RNF40: variants seen among roughly 807,000 people sequenced by gnomAD.
RNF40 encodes the protein E3 ubiquitin-protein ligase BRE1B.
RNF40 carries 39 observed loss-of-function variants against 123.3 expected under a neutral mutation model. The observed-to-expected ratio is 0.32, with a 90% CI of 0.24 to 0.41. The LOEUF is 0.41. Among genes scored for constraint, RNF40 ranks in the 10% least tolerant of loss-of-function variants. The pLI is 1.00. For synonymous variants in RNF40, 538 were observed against 526.0 expected (o/e 1.02, Z -0.31); for missense variants, 1,003 against 1,319.9 (o/e 0.76, Z 3.72).
At position 30,762,337 on chromosome 16, in the gene RNF40, G is replaced by A. The variant is rs2053863330; in HGVS notation, c.-95G>A. On this transcript the variant is annotated 5_prime_UTR_variant, in exon 1 of 20. Coordinates refer to ENST00000324685, the MANE Select transcript of RNF40 (RefSeq NM_014771.4). ...GACGTCCGGTGAAATCCAAGATGGCGGCGCTAGGCTGACCCTCCTGCTGGT... is the reference window on the plus strand; with the variant it reads ...GACGTCCGGTGAAATCCAAGATGGCAGCGCTAGGCTGACCCTCCTGCTGGT... 1 of 520,232 alleles carries A rather than the reference G, an allele frequency of 1.9e-6. No homozygotes were observed. Among genetic ancestry groups the A allele is most frequent in the Admixed American group, 4.1e-5 (1 of 24,546 alleles). 32.2% of individuals were successfully genotyped at this position (520,232 alleles called of 1,614,324 possible). A position where few individuals can be genotyped will look rare whatever the true frequency, so the allele number is the denominator to read the frequency against.
In RNF40 at chr16:30,771,839, G is replaced by T. The variant is rs1198529675; in HGVS notation, c.2593G>T (p.Glu865Ter). 6.3e-7 allele frequency: 1 copy of T among 1,580,010 alleles called. No homozygotes were observed. The highest frequency in any genetic ancestry group is 1.4e-5 in the African/African-American group (1 of 74,044). Residue 865 changes from glutamate to a stop codon, truncating the protein, a stop_gained, in exon 18 of 20, where the codon GAA (glutamate) becomes TAA (stop). Coordinates refer to ENST00000324685, the MANE Select transcript of RNF40 (RefSeq NM_014771.4). LOFTEE classifies it high-confidence loss of function. ...CCTGTTCCACCCTACTCAGGCTGTA[G>T]AAGCCGCCCAGCTGGCCGAGGACCT... ...ALELNKRKAV[E>*]AAQLAEDLKV...
At position 30,762,762 on chromosome 16, in the gene RNF40, A is replaced by G. The variant is rs1369217969; in HGVS notation, c.132+85A>G. On this transcript the variant is annotated intron_variant, in intron 2 of 19. Coordinates refer to ENST00000324685, the MANE Select transcript of RNF40 (RefSeq NM_014771.4). ...CCAAACTGTGCGGAATCTTACACCC[A>G]CTTCCCCAAGTTTAGCAAGGTCCGC... 3.2e-6 allele frequency: 5 copies of G among 1,539,166 alleles called. No homozygotes were observed. The African/African-American group carries it at 7.0e-5, about 21-fold the overall frequency.
At chr16:30,773,800 C>T (rs1380223102) in intron 19 of RNF40, 138 bp from the exon 20 acceptor site, 2 of 849,466 alleles carry the variant, frequency 2.4e-6, no homozygotes, top group Non-Finnish European at 3.7e-6. Context: ...ATAGAGTGCT[C>T]GTCCTTACCT....
In RNF40 at chr16:30,768,754, T is replaced by C. The variant is rs1383006376; in HGVS notation, c.2097+18T>C. The stretch of plus-strand genomic sequence containing the variant: ...AGGCCGAGGTGAGGGCAGCTGGGGC[T>C]TGTGGGGCATTCAGAAAGGCAGAGC... On this transcript the variant is annotated intron_variant, in intron 14 of 19. Transcript: ENST00000324685. The surrounding 1 kb of genome is among the most constrained non-coding windows in gnomAD (Gnocchi z 4.1). 38 of 1,613,752 alleles carry C rather than the reference T, an allele frequency of 2.4e-5. No individual in the cohort carries two copies. The highest frequency in any genetic ancestry group is 2.7e-5 in the Non-Finnish European group (32 of 1,180,004).
chr16:30,763,893 C>G (rs1361382871), intron 4 of RNF40, among the ~76,000 whole-genome samples: 3 of 152,158 alleles, frequency 2.0e-5, no homozygotes, highest in Admixed American at 2.0e-4. Context: ...ACTGGGGCTC[C>G]TGAAACGGAA....
chr16:30,765,213 A>T lies in RNF40; in HGVS notation c.804A>T (p.Ala268=). Residue 268 remains alanine (A), a synonymous_variant, in exon 7 of 20, where the codon GCA becomes GCT. Transcript: ENST00000324685. The stretch of plus-strand genomic sequence containing the variant: ...AGCTCCAGGATAAAGTGACATCGGC[A>T]GAGACCAAGGTGCTGGAGATGGAGA... The part of the protein sequence containing the change: ...YSELQDKVTS[A]ETKVLEMETT... The T allele has an allele frequency of 1.2e-6, 2 of 1,614,238 alleles. No homozygotes were observed. Among genetic ancestry groups the T allele is most frequent in the Non-Finnish European group, 1.7e-6 (2 of 1,180,036 alleles).
In RNF40 at chr16:30,766,875, G is replaced by A. The variant is rs773106937; in HGVS notation, c.1428G>A (p.Ala476=). The A allele has an allele frequency of 5.0e-6, 8 of 1,612,914 alleles. No individual in the cohort carries two copies. The highest frequency in any genetic ancestry group is 1.8e-4 in the Middle Eastern group (1 of 5,610). The change falls in exon 11 of 20, where the codon GCG becomes GCA. Residue 476 remains alanine, a splice_region_variant and synonymous_variant. Transcript: ENST00000324685. The surrounding 1 kb of genome is among the most constrained non-coding windows in gnomAD (Gnocchi z 5.4). ...AGAATCTGGCGGCCAACGAGCAGGC[G>A]GGTATGTGGTGAGGATAGGGCGGAG... ...FEQNLAANEQ[A]GPINREMRHL... is the part of the protein sequence containing the mutation.
At position 30,769,132 on chromosome 16, in the gene RNF40, CA is replaced by C. The variant is rs2054099541; in HGVS notation, c.2248-53del. Reference sequence around the variant, plus strand: ...GCTGCGTTTTCCCATGGTTCCCCCACAGCCATCCTGTCCACTTCCCACGTTC... The same window carrying C: ...GCTGCGTTTTCCCATGGTTCCCCCACGCCATCCTGTCCACTTCCCACGTTC... On this transcript the variant is annotated intron_variant, in intron 15 of 19. Coordinates refer to ENST00000324685, the MANE Select transcript of RNF40 (RefSeq NM_014771.4). 4 of 1,601,508 alleles carry C rather than the reference CA, an allele frequency of 2.5e-6. No homozygotes were observed. In the Admixed American group the frequency reaches 6.7e-5, roughly 27 times the overall value.
Position 30,766,517 on chromosome 16 carries a change from G to T in RNF40, c.1252G>T (p.Ala418Ser). ...AGACGAGGCTCGGGGCCTGCTGCTGGCCACAAAGAACTCCCACCTGCGACA... is the reference window on the plus strand; with the variant it reads ...AGACGAGGCTCGGGGCCTGCTGCTGTCCACAAAGAACTCCCACCTGCGACA... ...QLDEARGLLLATKNSHLRHIE... is the reference protein window; with the variant it reads ...QLDEARGLLLSTKNSHLRHIE... Residue 418 changes from alanine to serine, a missense_variant, in exon 10 of 20, where the codon GCC (alanine) becomes TCC (serine). By Grantham distance (99) the Ala-to-Ser change is moderately conservative. Around this residue, in one of 11 missense-constraint regions of RNF40, gnomAD observed 274 missense variants for 356.9 expected, o/e 0.77. Transcript: ENST00000324685. This position sits in a 1 kb window ranked among gnomAD's most constrained non-coding sequence, Gnocchi z 5.4. The T allele has an allele frequency of 6.2e-7, 1 of 1,613,024 alleles. No individual in the cohort carries two copies. The highest frequency in any genetic ancestry group is 8.5e-7 in the Non-Finnish European group (1 of 1,179,694).
In RNF40 at chr16:30,770,652, C is replaced by T. The variant is rs980742978; in HGVS notation, c.2586+1052C>T. 4.6e-5 allele frequency among the ~76,000 whole-genome samples: 7 copies of T among 152,214 alleles called. No homozygotes were observed. The South Asian group carries it at 8.3e-4, about 18-fold the overall frequency. On this transcript the variant is annotated intron_variant, in intron 17 of 19. Transcript: ENST00000324685. ...TTAAGATTAACATTGATTTCCATTT[C>T]CTCTGAAGCTGTTTTCTTCTCCAGT...
intron 4 of RNF40, 137 bp from the exon 5 acceptor site, chr16:30,764,042 A>C: frequency 1.5e-6 from 1 of 678,114 alleles, no homozygotes. Context: ...TCTCACTTTC[A>C]GGATGGAGAT....
In RNF40 at chr16:30,768,858, C is replaced by T. The variant is rs1478749886; in HGVS notation, c.2118C>T (p.Arg706=). Residue 706 remains arginine (R), a synonymous_variant, in exon 15 of 20, where the codon CGC becomes CGT. Transcript: ENST00000324685. This position sits in a 1 kb window ranked among gnomAD's most constrained non-coding sequence, Gnocchi z 4.1. ...AKAEVDELRS[R]IRELEERDRR... is the part of the protein sequence containing the mutation. ...TATAGGTTGATGAGCTGCGGAGCCGCATCCGGGAATTGGAGGAGAGGGATC... is the reference window on the plus strand; with the variant it reads ...TATAGGTTGATGAGCTGCGGAGCCGTATCCGGGAATTGGAGGAGAGGGATC... 6.2e-7 allele frequency: 1 copy of T among 1,614,236 alleles called. No homozygotes were observed. Among genetic ancestry groups the T allele is most frequent in the Admixed American group, 1.7e-5 (1 of 60,036 alleles).
chr16:30,767,824 C>T (rs1363816881), intron 11 of RNF40, 70 bp from the exon 12 acceptor site: 7 of 1,604,402 alleles, frequency 4.4e-6, no homozygotes, highest in African/African-American at 4.0e-5. Context: ...TAGCCTCTTA[C>T]CCCACTGAGG....
chr16:30,764,496 A>G, intron 5 of RNF40, 111 bp downstream of exon 5: 2 of 933,782 alleles, frequency 2.1e-6, no homozygotes, highest in Admixed American at 2.5e-5. Flanking sequence ...GAATTTCCCA[A>G]GGAATAAATC....
At chr16:30,763,379 T>A (rs772883272) in intron 3 of RNF40, 39 bp from the exon 4 acceptor site, 19 of 1,601,148 alleles carry the variant, frequency 1.2e-5, no homozygotes, top group Non-Finnish European at 1.0e-5. Context: ...TGGAAAGCAC[T>A]AAGGGATTCA....
intron 11 of RNF40, 128 bp downstream of exon 11, chr16:30,767,004 A>G (rs1487583564): frequency 4.0e-6 from 5 of 1,241,430 alleles, no homozygotes; most frequent in South Asian, 3.1e-5. Flanking sequence ...CTTCCTATGC[A>G]AAACAGGGCC....
chr16:30,762,841 C>T (rs2053898388), intron 2 of RNF40, 164 bp downstream of exon 2: 2 of 927,884 alleles, frequency 2.2e-6, no homozygotes, highest in Admixed American at 2.8e-5. Flanking sequence ...CGACGCCTGT[C>T]TTCCCTTTAC....
In RNF40 at chr16:30,764,962, C is replaced by T. The variant is rs373834012; in HGVS notation, c.674C>T (p.Ala225Val). ...GGGGACAGTGAGCCCCTCAGTGAGG[C>T]GGCTCAGGCACACACCCGAGAGCTG... ...SRGDSEPLSE[A>V]AQAHTRELGR... is the part of the protein sequence containing the mutation. The change falls in exon 6 of 20, where the codon GCG (alanine) becomes GTG (valine). Residue 225 changes from alanine (A) to valine (V), a missense_variant. Around this residue, in one of 11 missense-constraint regions of RNF40, gnomAD observed 274 missense variants for 356.9 expected, o/e 0.77. Coordinates refer to ENST00000324685, the MANE Select transcript of RNF40 (RefSeq NM_014771.4). The T allele has an allele frequency of 9.9e-6, 16 of 1,612,332 alleles. 1 individual carries two copies. Among genetic ancestry groups the T allele is most frequent in the Admixed American group, 3.3e-5 (2 of 59,986 alleles).
In RNF40 at chr16:30,766,420, G is replaced by C; in HGVS notation, c.1155G>C (p.Thr385=). The C allele has an allele frequency of 1.9e-6, 3 of 1,613,780 alleles. No individual in the cohort carries two copies. Among genetic ancestry groups the C allele is most frequent in the Non-Finnish European group, 2.5e-6 (3 of 1,179,836 alleles). The change falls in exon 10 of 20, where the codon ACG becomes ACC. Residue 385 remains threonine, a synonymous_variant. Coordinates refer to ENST00000324685, the MANE Select transcript of RNF40 (RefSeq NM_014771.4). The surrounding 1 kb of genome is among the most constrained non-coding windows in gnomAD (Gnocchi z 5.4). ...RSLPEEVVRE[T]GEYRMLQAQF... ...TTCCTGAGGAGGTAGTGCGGGAGAC[G>C]GGGGAGTACCGCATGCTGCAGGCCC...
Sources: allele counts gnomAD v4.1 joint callset (sites outside exome capture counted in the v4.1 genomes callset), GRCh38; gene constraint gnomAD v4.1.1; regional missense constraint gnomAD v4.1.1; non-coding constraint Gnocchi (gnomAD v3.1); transcripts MANE v1.5; gene names NCBI Gene and HGNC (gene_info 2026-07-23, HGNC 2026-07-21).